DBF4B: variants seen among roughly 807,000 people sequenced by gnomAD.
The protein encoded by DBF4B is DBF4B-CDC7 kinase regulatory subunit, also known as protein DBF4 homolog B.
Under a neutral mutation model 53.4 loss-of-function variants are expected in DBF4B, and 49 were observed. The observed-to-expected ratio is 0.92, with a 90% confidence interval of 0.73 to 1.16. The LOEUF is 1.16. Among genes scored for constraint, DBF4B ranks in the 50% most tolerant of loss-of-function variants. The pLI, the probability that DBF4B is intolerant of heterozygous loss-of-function variation, is 0.00. For missense variants in DBF4B, 692 were observed against 775.0 expected, an observed-to-expected ratio of 0.89 and a Z score of 1.27; for synonymous variants, 257 against 288.7, an observed-to-expected ratio of 0.89 and a Z score of 1.11.
chr17:44,711,743 T>C (rs1276214919), intron 2 of DBF4B, among the ~76,000 whole-genome samples: 1 of 151,876 alleles, frequency 6.6e-6, no homozygotes, highest in Non-Finnish European at 1.5e-5. Context: ...GGTCAGGAGA[T>C]TGAGACCATG....
At position 44,712,425 on chromosome 17, in the gene DBF4B, C is replaced by T. The variant is rs766266276; in HGVS notation, c.82+3059C>T. Among the ~76,000 whole-genome samples, 24 of 151,144 alleles carry T rather than the reference C, an allele frequency of 1.6e-4. No homozygotes were observed. In the Middle Eastern group the frequency reaches 0.01, roughly 64 times the overall value. On this transcript the variant is annotated intron_variant, in intron 2 of 13. Transcript: ENST00000315005. ...GTTCAAGCGATTCTCCTGCCTCAGC[C>T]TCCCAAGTAGCTGGGACTACAGGCA...
chr17:44,709,699 A>G (rs1972690918), intron 2 of DBF4B, among the ~76,000 whole-genome samples: 1 of 152,160 alleles, frequency 6.6e-6, no homozygotes, highest in Non-Finnish European at 1.5e-5. Flanking sequence ...AGGTCAAGTA[A>G]GAGTCATATT....
At chr17:44,740,414 A>G (rs1975889585) in intron 9 of DBF4B, among the ~76,000 whole-genome samples, 1 of 152,056 alleles carries the variant, frequency 6.6e-6, no homozygotes, top group African/African-American at 2.4e-5. Context: ...GTCTCTGCAA[A>G]TCTCTTAAAT....
intron 3 of DBF4B, among the ~76,000 whole-genome samples, chr17:44,725,455 C>T (rs568228626): frequency 7.9e-5 from 12 of 152,024 alleles, no homozygotes; most frequent in African/African-American, 1.2e-4. Context: ...AAAATTCATC[C>T]GTTTAAAGTA....
At chr17:44,709,902 G>C (rs553822509) in intron 2 of DBF4B, among the ~76,000 whole-genome samples, 1 of 151,606 alleles carries the variant, frequency 6.6e-6, no homozygotes, top group Admixed American at 6.6e-5. Context: ...GGCCGGGCGC[G>C]GCTGCTCACG....
rs1567675709 is a variant in DBF4B at position 44,747,178 on chromosome 17, A to G, written c.926A>G (p.Glu309Gly). 3.1e-6 allele frequency: 5 copies of G among 1,614,150 alleles called. No homozygotes were observed. Among genetic ancestry groups the G allele is most frequent in the Non-Finnish European group, 4.2e-6 (5 of 1,180,014 alleles). The change falls in exon 11 of 14, where the codon GAG (glutamate) becomes GGG (glycine). Residue 309 changes from glutamate (E) to glycine (G), a missense_variant. Glu to Gly is a moderately conservative substitution (Grantham distance 98, BLOSUM62 -2). This residue lies in a region of DBF4B where 597 missense variants were observed against 665.8 expected (regional missense o/e 0.90). Coordinates refer to ENST00000315005, the MANE Select transcript of DBF4B (RefSeq NM_145663.3). ...TGCGAGTGCTGTCAGGAGGCCTTCGAGGAGCTCCATGTGGTGAGCCCCTTC... is the reference window on the plus strand; with the variant it reads ...TGCGAGTGCTGTCAGGAGGCCTTCGGGGAGCTCCATGTGGTGAGCCCCTTC... ...GYCECCQEAF[E>G]ELHVHLQSAQ... is the part of the protein sequence containing the mutation.
intron 2 of DBF4B, among the ~76,000 whole-genome samples, chr17:44,713,100 C>T (rs1444033377): frequency 7.4e-6 from 1 of 134,532 alleles, no homozygotes; most frequent in African/African-American, 2.8e-5. Context: ...AGTGCAGTGG[C>T]GTGATCTGGG....
chr17:44,749,158 C>T lies in DBF4B; in HGVS notation c.1189+693C>T. 7.8e-7 allele frequency: 1 copy of T among 1,289,778 alleles called. No homozygotes were observed. 79.9% of individuals were successfully genotyped at this position (1,289,778 alleles called of 1,614,324 possible). ...ACCTGTAGAGAGCAGGTCTACCTCC[C>T]TCCTGCAGCCCCTGCCAGCCAGTGC... On this transcript the variant is annotated intron_variant, in intron 13 of 13. Transcript: ENST00000315005. The surrounding 1 kb of genome is among the most constrained non-coding windows in gnomAD (Gnocchi z 4.4).
At chr17:44,727,859 G>GGT (rs1974494438) in intron 3 of DBF4B, among the ~76,000 whole-genome samples, 1 of 143,718 alleles carries the variant, frequency 7.0e-6, no homozygotes, top group African/African-American at 2.5e-5. Flanking sequence ...CACCATGCCC[G>GGT]GGTAATTTTT....
intron 5 of DBF4B, 101 bp from the exon 6 acceptor site, chr17:44,732,071 CCTCCCA>C (rs1391159896): frequency 7.5e-5 from 77 of 1,026,994 alleles, no homozygotes; most frequent in South Asian, 4.4e-4. Context: ...CCCTGCAGTC[CCTCCCA>C]TGGATGACTC....
rs755321656 is a variant in DBF4B, at chr17:44,749,265, A to ACCCCAG, written c.1189+818_1189+823dup. The ACCCCAG allele has an allele frequency of 4.5e-5, 58 of 1,290,006 alleles. No homozygotes were observed. The highest frequency in any genetic ancestry group is 2.6e-4 in the African/African-American group (17 of 65,710). The allele number at this position is 1,290,006 out of a possible 1,614,324, so 79.9% of individuals were successfully genotyped here. Reference sequence around the variant, plus strand: ...TCCCTGTCTCCCAGCCCTGGTCCCAACCCCAGCCCCAGCCCCAGCCCCATG... The same window carrying ACCCCAG: ...TCCCTGTCTCCCAGCCCTGGTCCCAACCCCAGCCCCAGCCCCAGCCCCAGCCCCATG... On this transcript the variant is annotated intron_variant, in intron 13 of 13. Coordinates refer to ENST00000315005, the MANE Select transcript of DBF4B (RefSeq NM_145663.3). The surrounding 1 kb of genome is among the most constrained non-coding windows in gnomAD (Gnocchi z 4.4).
At chr17:44,726,292 T>TTTTATTTATTTATTTATTTATTTA (rs377668647) in intron 3 of DBF4B, among the ~76,000 whole-genome samples, 2 of 132,054 alleles carry the variant, frequency 1.5e-5, no homozygotes, top group Non-Finnish European at 3.1e-5. Context: ...CCCGGCCCTT[T>TTTTATTTATTTATTTATTTATTTA]TTTATTTATT....
Position 44,749,793 on chromosome 17 carries a change from G to A in DBF4B, c.1190-802G>A. 1.9e-6 allele frequency: 2 copies of A among 1,057,946 alleles called. No individual in the cohort carries two copies. The highest frequency in any genetic ancestry group is 2.3e-6 in the Non-Finnish European group (2 of 872,348). The allele number at this position is 1,057,946 out of a possible 1,614,324, so 65.5% of individuals were successfully genotyped here. ...TGCCTCTCTGCAGAGCCGCGGGTTA[G>A]CTGTTGGTGTGCTCCACCCCCAACC... On this transcript the variant is annotated intron_variant, in intron 13 of 13. Coordinates refer to ENST00000315005, the MANE Select transcript of DBF4B (RefSeq NM_145663.3). The surrounding 1 kb of genome is among the most constrained non-coding windows in gnomAD (Gnocchi z 4.4).
chr17:44,750,755 C>A lies in DBF4B; in HGVS notation c.1350C>A (p.Ser450=). The change falls in exon 14 of 14, where the codon TCC becomes TCA. Residue 450 remains serine, a synonymous_variant. Transcript: ENST00000315005. ...GCTGCCTCTGTCCCTGCCCAGCCTCCTTTACCCAGTCTCATCTGGTCACTT... is the reference window on the plus strand; with the variant it reads ...GCTGCCTCTGTCCCTGCCCAGCCTCATTTACCCAGTCTCATCTGGTCACTT... The part of the protein sequence containing the change: ...EQGCLCPCPA[S]FTQSHLVTSL... 6.2e-7 allele frequency: 1 copy of A among 1,614,218 alleles called. No homozygotes were observed. Among genetic ancestry groups the A allele is most frequent in the Non-Finnish European group, 8.5e-7 (1 of 1,180,050 alleles).
At chr17:44,713,652 A>G (rs1438030995) in intron 2 of DBF4B, among the ~76,000 whole-genome samples, 1 of 152,124 alleles carries the variant, frequency 6.6e-6, no homozygotes, top group Non-Finnish European at 1.5e-5. Context: ...CCGTCTCAAA[A>G]AAACAAACAA....
chr17:44,739,889 C>T (rs1462183507), intron 9 of DBF4B, among the ~76,000 whole-genome samples: 2 of 152,128 alleles, frequency 1.3e-5, no homozygotes, highest in Non-Finnish European at 2.9e-5. Flanking sequence ...TTCTGCCTCC[C>T]GAGTAGCTGG....
intron 10 of DBF4B, among the ~76,000 whole-genome samples, 185 bp downstream of exon 10, chr17:44,741,637 C>T (rs1402330587): frequency 1.3e-5 from 2 of 152,166 alleles, no homozygotes; most frequent in African/African-American, 4.8e-5. Flanking sequence ...GTTCTTCATC[C>T]GTACTGAAGA....
At position 44,711,906 on chromosome 17, in the gene DBF4B, G is replaced by T. The variant is rs193125795; in HGVS notation, c.82+2540G>T. Among the ~76,000 whole-genome samples the T allele has an allele frequency of 4.7e-3, 713 of 151,534 alleles. 2 individuals are homozygous for T. The highest frequency in any genetic ancestry group is 6.6e-3 in the Non-Finnish European group (445 of 67,862). ...AGCAAAATTGCACCACTGCACTCCA[G>T]CCTGGGCGACAGAGCAAGACTCTGT... On this transcript the variant is annotated intron_variant, in intron 2 of 13. Transcript: ENST00000315005.
chr17:44,736,898 C>T, intron 8 of DBF4B, 32 bp downstream of exon 8: 3 of 1,612,024 alleles, frequency 1.9e-6, no homozygotes, highest in Non-Finnish European at 2.5e-6. Flanking sequence ...CATCTAATTG[C>T]AATCCCTCCC....
Sources: gnomAD v4.1 joint callset for allele counts (sites outside exome capture counted in the v4.1 genomes callset) on GRCh38, gnomAD v4.1.1 for gene constraint, gnomAD v4.1.1 regional missense constraint, Gnocchi (gnomAD v3.1) non-coding constraint, MANE v1.5 for transcripts, NCBI Gene and HGNC (gene_info 2026-07-23, HGNC 2026-07-21) for gene names.